FAT3: variants seen among roughly 807,000 people sequenced by gnomAD.
The protein encoded by FAT3 is FAT atypical cadherin 3.
In FAT3, 95 loss-of-function variants were observed where a neutral mutation model predicts 310.2. The ratio of observed to expected loss-of-function variants is 0.31; its 90% confidence interval spans 0.26 to 0.36. The LOEUF (loss-of-function observed/expected upper bound fraction) is 0.36. Ranked by LOEUF, FAT3 falls within the 10% of genes least tolerant of loss-of-function variation. FAT3 has a pLI of 1.00. For missense variants in FAT3, 5,408 were observed against 5,715.6 expected (o/e 0.95, Z 1.74); for synonymous variants, 2,314 against 2,192.9 (o/e 1.06, Z -1.54).
intron 3 of FAT3, among the ~76,000 whole-genome samples, chr11:92,556,314 G>A (rs755925097): frequency 2.0e-5 from 3 of 152,058 alleles, no homozygotes; most frequent in East Asian, 3.9e-4. Flanking sequence ...CACCAGTCAC[G>A]TGCCCTGTGC....
intron 4 of FAT3, among the ~76,000 whole-genome samples, chr11:92,705,412 ATGGTGGTAGTGG>A (rs1944252946): frequency 3.2e-5 from 1 of 31,718 alleles, no homozygotes; most frequent in Admixed American, 3.9e-4. Flanking sequence ...GGTGGTGGTG[ATGGTGGTAGTGG>A]TGGTGGTGGT....
At chr11:92,510,453 C>A (rs1411310972) in intron 2 of FAT3, among the ~76,000 whole-genome samples, 1 of 152,138 alleles carries the variant, frequency 6.6e-6, no homozygotes, top group Admixed American at 6.6e-5. Context: ...ACATGTCACT[C>A]CCAGCTTGGT....
At chr11:92,554,410 C>G (rs182607897) in intron 3 of FAT3, among the ~76,000 whole-genome samples, 261 of 127,986 alleles carry the variant, frequency 2.0e-3, no homozygotes, top group African/African-American at 7.4e-3. Flanking sequence ...TGCAGTGAGC[C>G]GAGATTGCGC....
intron 10 of FAT3, among the ~76,000 whole-genome samples, chr11:92,804,801 C>G (rs1160155445): frequency 2.0e-5 from 3 of 152,206 alleles, no homozygotes; most frequent in Non-Finnish European, 2.9e-5. Context: ...GTATTACATC[C>G]TCTCTTGAGA....
intron 2 of FAT3, among the ~76,000 whole-genome samples, chr11:92,402,386 CT>C (rs1950035196): frequency 6.6e-6 from 1 of 152,020 alleles, no homozygotes; most frequent in Admixed American, 6.6e-5. Flanking sequence ...CAGGGTGAGT[CT>C]TTGTTTATTT....
At chr11:92,486,704 CT>C (rs1349177312) in intron 2 of FAT3, among the ~76,000 whole-genome samples, 1 of 152,148 alleles carries the variant, frequency 6.6e-6, no homozygotes, top group East Asian at 1.9e-4. Flanking sequence ...ACTCTATTCT[CT>C]AAGTCTTTGT....
intron 19 of FAT3, among the ~76,000 whole-genome samples, chr11:92,850,928 C>T (rs1447299697): frequency 6.6e-6 from 1 of 152,188 alleles, no homozygotes; most frequent in Non-Finnish European, 1.5e-5. Context: ...TGCCTGTTGT[C>T]ACCTCTACAG....
Position 92,800,671 on chromosome 11 carries a change from T to A in FAT3, c.7658T>A (p.Ile2553Asn). 1 of 1,613,776 alleles carries A rather than the reference T, an allele frequency of 6.2e-7. No homozygotes were observed. The highest frequency in any genetic ancestry group is 8.5e-7 in the Non-Finnish European group (1 of 1,179,830). Residue 2553 changes from isoleucine to asparagine, a missense_variant, in exon 10 of 28, where the codon ATC becomes AAC. This residue lies in a region of FAT3 where 4,588 missense variants were observed against 4,809.8 expected (regional missense o/e 0.95). Coordinates refer to ENST00000525166, the MANE Select transcript of FAT3 (RefSeq NM_001367949.2). ...RFLIDSNGQV[I>N]TTERLDRENP... ...CTCATAGACAGCAATGGGCAGGTCATCACCACAGAAAGGCTAGACCGGGAA... is the reference window on the plus strand; with the variant it reads ...CTCATAGACAGCAATGGGCAGGTCAACACCACAGAAAGGCTAGACCGGGAA...
intron 2 of FAT3, among the ~76,000 whole-genome samples, chr11:92,465,891 CAG>C (rs1951747524): frequency 6.6e-6 from 1 of 150,768 alleles, no homozygotes; most frequent in African/African-American, 2.4e-5. Flanking sequence ...ATTGGTGAAA[CAG>C]GGAAAAAAAA....
chr11:92,845,653 G>A (rs1230114555), intron 19 of FAT3, among the ~76,000 whole-genome samples: 1 of 152,210 alleles, frequency 6.6e-6, no homozygotes, highest in Non-Finnish European at 1.5e-5. Context: ...GACATGTGGA[G>A]CCATAAATTC....
chr11:92,418,436 A>C (rs56149414), intron 2 of FAT3, among the ~76,000 whole-genome samples: 75,450 of 87,104 alleles, frequency 0.87, 32,000 homozygotes, highest in Non-Finnish European at 0.89. Flanking sequence ...CCACCCCCCC[A>C]CACACACACA....
intron 1 of FAT3, among the ~76,000 whole-genome samples, chr11:92,280,788 C>T (rs1006631715): frequency 1.3e-5 from 2 of 152,144 alleles, no homozygotes; most frequent in African/African-American, 4.8e-5. Flanking sequence ...TCTAGCCTTA[C>T]CAAATGACTT....
intron 3 of FAT3, among the ~76,000 whole-genome samples, chr11:92,632,061 A>T (rs1050176444): frequency 1.3e-5 from 2 of 152,196 alleles, no homozygotes; most frequent in African/African-American, 4.8e-5. Context: ...AACATTTGGA[A>T]GTCTGTGTTT....
chr11:92,452,879 C>T (rs946375379), intron 2 of FAT3, among the ~76,000 whole-genome samples: 1 of 152,076 alleles, frequency 6.6e-6, no homozygotes, highest in African/African-American at 2.4e-5. Context: ...TCTCAAGCAA[C>T]CCTCCCACCT....
chr11:92,561,576 A>G (rs568697925), intron 3 of FAT3, among the ~76,000 whole-genome samples: 14 of 152,058 alleles, frequency 9.2e-5, no homozygotes, highest in Admixed American at 6.6e-4. Flanking sequence ...TCAAACTGGC[A>G]TCAACATTTT....
At chr11:92,481,467 A>C (rs1425927598) in intron 2 of FAT3, among the ~76,000 whole-genome samples, 1 of 152,180 alleles carries the variant, frequency 6.6e-6, no homozygotes, top group East Asian at 1.9e-4. Context: ...GAATATATGC[A>C]TTAATCTAGT....
chr11:92,774,279 T>C, intron 7 of FAT3, 99 bp downstream of exon 7: 3 of 1,280,316 alleles, frequency 2.3e-6, no homozygotes, highest in Non-Finnish European at 3.2e-6. Context: ...TAGTAAATTA[T>C]GTCGACGGTT....
chr11:92,800,809 A>G lies in FAT3; in HGVS notation c.7796A>G (p.Gln2599Arg), dbSNP rs907268716. The change falls in exon 10 of 28, where the codon CAG becomes CGG. Residue 2599 changes from glutamine (Q) to arginine (R), a missense_variant. Around this residue, in one of 5 missense-constraint regions of FAT3, gnomAD observed 4,588 missense variants for 4,809.8 expected, o/e 0.95. Transcript: ENST00000525166. ...GTGGATGAAAATGACAATGCTCCCC[A>G]GTTCATGACAGTGGAATATAGAGCC... ...IVVDENDNAPQFMTVEYRASV... is the reference protein window; with the variant it reads ...IVVDENDNAPRFMTVEYRASV... 2 of 1,613,848 alleles carry G rather than the reference A, an allele frequency of 1.2e-6. No individual in the cohort carries two copies. Among genetic ancestry groups the G allele is most frequent in the Non-Finnish European group, 1.7e-6 (2 of 1,179,866 alleles).
rs578139947 is a variant in FAT3, at chr11:92,891,297, A to G, written c.*184A>G. The G allele has an allele frequency of 6.0e-6, 5 of 833,836 alleles. No individual in the cohort carries two copies. The highest frequency in any genetic ancestry group is 9.0e-6 in the Non-Finnish European group (5 of 553,028). 51.7% of individuals were successfully genotyped at this position (833,836 alleles called of 1,614,324 possible). A position where few individuals can be genotyped will look rare whatever the true frequency, so the allele number is the denominator to read the frequency against. ...GCTTGATTCCAGTTGGGTGAAAATG[A>G]AAGGCTCAGAAATTGTTTTTGAGAG... On this transcript the variant is annotated 3_prime_UTR_variant, in exon 28 of 28. Transcript: ENST00000525166.
Sources: gnomAD v4.1 joint callset for allele counts (sites outside exome capture counted in the v4.1 genomes callset) on GRCh38, gnomAD v4.1.1 for gene constraint, gnomAD v4.1.1 regional missense constraint, MANE v1.5 for transcripts, NCBI Gene and HGNC (gene_info 2026-07-23, HGNC 2026-07-21) for gene names.